The following SYT1 variants were observed in gnomAD, a reference collection of about 807,000 sequenced individuals.
The protein encoded by SYT1 is synaptotagmin-1.
SYT1 carries 8 observed loss-of-function variants against 44.8 expected under a neutral mutation model. That is an observed-to-expected ratio of 0.18 (90% CI 0.10 to 0.32). The LOEUF is 0.32. Ranked by LOEUF, SYT1 falls within the 10% of genes least tolerant of loss-of-function variation. SYT1 has a pLI of 1.00. For missense variants in SYT1, 286 were observed against 509.3 expected (o/e 0.56, Z 4.22); for synonymous variants, 154 against 188.8 (o/e 0.82, Z 1.51).
At chr12:79,352,034 T>G (rs182648943) in intron 8 of SYT1, among the ~76,000 whole-genome samples, 1 of 152,096 alleles carries the variant, frequency 6.6e-6, no homozygotes, top group Non-Finnish European at 1.5e-5. Flanking sequence ...AATGAAACAC[T>G]TGGAGCCATA....
At chr12:79,064,974 A>AAGAAAGAAAGAAAGAAAG (rs2137866419) in intron 3 of SYT1, among the ~76,000 whole-genome samples, 1 of 148,268 alleles carries the variant, frequency 6.7e-6, no homozygotes, top group African/African-American at 2.6e-5. Flanking sequence ...GAAAGAAAGA[A>AAGAAAGAAAGAAAGAAAG]AGAAAGAAAG....
intron 4 of SYT1, among the ~76,000 whole-genome samples, chr12:79,239,751 C>A (rs1391939288): frequency 6.6e-6 from 1 of 152,198 alleles, no homozygotes; most frequent in Non-Finnish European, 1.5e-5. Context: ...ATCAAAATGT[C>A]AACTAGACCA....
intron 1 of SYT1, among the ~76,000 whole-genome samples, chr12:78,947,304 T>A (rs533917836): frequency 4.8e-4 from 73 of 152,260 alleles, no homozygotes; most frequent in Non-Finnish European, 8.2e-4. Flanking sequence ...ATTGAAAATT[T>A]TTCACTGGCA....
In SYT1 at chr12:78,961,877, C is replaced by A. The variant is rs139613172; in HGVS notation, c.-216-15922C>A. Among the ~76,000 whole-genome samples the A allele has an allele frequency of 4.0e-3, 606 of 152,176 alleles. 5 individuals carry two copies. The highest frequency in any genetic ancestry group is 0.014 in the African/African-American group (563 of 41,510). On this transcript the variant is annotated intron_variant, in intron 1 of 10. Transcript: ENST00000261205. ...AGTAGCTGATATTATACTTTAGCAA[C>A]TTCACAGTGACAACTTTTTGACTCA... is the stretch of plus-strand genomic sequence containing the variant.
At chr12:79,094,600 A>G (rs1480586135) in intron 3 of SYT1, among the ~76,000 whole-genome samples, 2 of 151,938 alleles carry the variant, frequency 1.3e-5, no homozygotes, top group African/African-American at 2.4e-5. Flanking sequence ...TGAAGTATTA[A>G]CCAAGTTAAC....
chr12:78,955,905 C>T (rs1879191467), intron 1 of SYT1, among the ~76,000 whole-genome samples: 1 of 151,414 alleles, frequency 6.6e-6, no homozygotes, highest in African/African-American at 2.4e-5. Context: ...GCATTTTCCC[C>T]TATCTTTTGA....
chr12:79,222,403 G>C (rs1368515666), intron 4 of SYT1, among the ~76,000 whole-genome samples: 1 of 49,436 alleles, frequency 2.0e-5, no homozygotes, highest in African/African-American at 9.4e-5. Flanking sequence ...TCTTTTTTTT[G>C]ATGGAGTTTT....
intron 9 of SYT1, among the ~76,000 whole-genome samples, chr12:79,438,385 T>C (rs1870213374): frequency 6.6e-6 from 1 of 152,144 alleles, no homozygotes; most frequent in Non-Finnish European, 1.5e-5. Flanking sequence ...GAGCTAGATA[T>C]TGGAGCATCA....
intron 2 of SYT1, among the ~76,000 whole-genome samples, chr12:79,045,272 G>C (rs1038619487): frequency 6.6e-6 from 1 of 152,218 alleles, no homozygotes. Context: ...CAATCAGCGA[G>C]ACTACGTGGG....
chr12:79,150,891 T>C (rs1468710451), intron 3 of SYT1, among the ~76,000 whole-genome samples: 1 of 152,176 alleles, frequency 6.6e-6, no homozygotes, highest in African/African-American at 2.4e-5. Flanking sequence ...CAGTTCTTGT[T>C]TTTTATGAGA....
chr12:79,171,704 TAA>T (rs1314181420), intron 3 of SYT1, among the ~76,000 whole-genome samples: 1 of 151,984 alleles, frequency 6.6e-6, no homozygotes, highest in African/African-American at 2.4e-5. Flanking sequence ...ATTAGAACCA[TAA>T]GTTCTGGAGT....
intron 2 of SYT1, among the ~76,000 whole-genome samples, chr12:78,987,439 TG>T (rs1392524863): frequency 6.6e-6 from 1 of 151,868 alleles, no homozygotes; most frequent in African/African-American, 2.4e-5. Context: ...TTTCAAGATG[TG>T]GGGGAAAAAA....
Position 79,064,930 on chromosome 12 carries a change from A to G in SYT1, c.-18+17568A>G, listed in dbSNP as rs533833804. Among the ~76,000 whole-genome samples the G allele has an allele frequency of 7.8e-3, 311 of 39,950 alleles. 2 individuals are homozygous for G. Among genetic ancestry groups the G allele is most frequent in the African/African-American group, 0.032 (293 of 9,080 alleles). 26.2% of individuals were successfully genotyped at this position (39,950 alleles called of 152,430 possible). ...CTCTTTAGACAAAAAAATAGAGAGAAAGAAAGAAAGAAAGAAAGAAAGAAA... is the reference window on the plus strand; with the variant it reads ...CTCTTTAGACAAAAAAATAGAGAGAGAGAAAGAAAGAAAGAAAGAAAGAAA... On this transcript the variant is annotated intron_variant, in intron 3 of 10. Coordinates refer to ENST00000261205, the MANE Select transcript of SYT1 (RefSeq NM_005639.3).
intron 4 of SYT1, among the ~76,000 whole-genome samples, chr12:79,269,193 A>G (rs1017253534): frequency 6.6e-6 from 1 of 151,760 alleles, no homozygotes; most frequent in Non-Finnish European, 1.5e-5. Flanking sequence ...CAATCCTGTG[A>G]GGCAGGTAGT....
chr12:78,903,440 CCAT>C (rs1875777838), intron 1 of SYT1, among the ~76,000 whole-genome samples: 1 of 151,934 alleles, frequency 6.6e-6, no homozygotes, highest in Non-Finnish European at 1.5e-5. Flanking sequence ...GCACGCACCA[CCAT>C]GCCCAGCTAA....
intron 3 of SYT1, among the ~76,000 whole-genome samples, chr12:79,204,959 CTTTTTTTTT>C (rs35259216): frequency 9.0e-4 from 2 of 2,218 alleles, no homozygotes; most frequent in African/African-American, 2.5e-3. Flanking sequence ...CCTGTTGTAA[CTTTTTTTTT>C]TTTTTTTTTT....
chr12:79,169,760 T>TTGTACAAGTTTACC (rs1871405852), intron 3 of SYT1, among the ~76,000 whole-genome samples: 2 of 151,996 alleles, frequency 1.3e-5, no homozygotes, highest in Non-Finnish European at 2.9e-5. Flanking sequence ...TAAACTTGTG[T>TTGTACAAGTTTACC]TATGTGGGTT....
intron 3 of SYT1, among the ~76,000 whole-genome samples, chr12:79,053,792 A>G (rs1004893001): frequency 6.6e-6 from 1 of 151,896 alleles, no homozygotes; most frequent in African/African-American, 2.4e-5. Flanking sequence ...TTTTTGGAGT[A>G]CCATGCATCA....
chr12:79,306,157 C>T (rs1158543610), intron 8 of SYT1, among the ~76,000 whole-genome samples: 1 of 152,192 alleles, frequency 6.6e-6, no homozygotes, highest in Non-Finnish European at 1.5e-5. Flanking sequence ...GTGACTGCAA[C>T]ATCCAAAGTG....
Sources: allele counts gnomAD v4.1 joint callset (sites outside exome capture counted in the v4.1 genomes callset), GRCh38; gene constraint gnomAD v4.1.1; transcripts MANE v1.5; gene names NCBI Gene and HGNC (gene_info 2026-07-23, HGNC 2026-07-21).